The following ARFGEF1 variants were observed in gnomAD, a reference collection of about 807,000 sequenced individuals.
The protein encoded by ARFGEF1 is brefeldin A-inhibited guanine nucleotide-exchange protein 1.
ARFGEF1 carries 42 observed loss-of-function variants against 231.0 expected under a neutral mutation model. The observed-to-expected ratio is 0.18, with a 90% CI of 0.14 to 0.24. The LOEUF is 0.24. Ranked by LOEUF, ARFGEF1 falls within the 10% of genes least tolerant of loss-of-function variation. The probability of loss-of-function intolerance (pLI) is 1.00; values close to 1 mark genes in which losing one functional copy is unlikely to be tolerated. For synonymous variants in ARFGEF1, 710 were observed against 732.3 expected, an observed-to-expected ratio of 0.97 and a Z score of 0.49; for missense variants, 1,345 against 2,192.0, an observed-to-expected ratio of 0.61 and a Z score of 7.72.
At chr8:67,311,294 G>A (rs1291992929) in intron 1 of ARFGEF1, among the ~76,000 whole-genome samples, 6 of 123,616 alleles carry the variant, frequency 4.9e-5, no homozygotes, top group African/African-American at 9.3e-5. Flanking sequence ...GGTGGGGGGG[G>A]TCAGCCCCCC....
intron 5 of ARFGEF1, among the ~76,000 whole-genome samples, chr8:67,187,699 T>G (rs776265191): frequency 2.0e-5 from 3 of 151,798 alleles, no homozygotes; most frequent in Admixed American, 6.6e-5. Flanking sequence ...AAGAAAGAAA[T>G]AGACTCACGC....
downstream of ARFGEF1, among the ~76,000 whole-genome samples, chr8:67,193,003 G>A (rs977409059): frequency 2.0e-5 from 3 of 152,144 alleles, no homozygotes. Context: ...ATCCTTGAGA[G>A]TCATCTGAGC....
At chr8:67,331,611 G>GAT (rs1173974100) in intron 1 of ARFGEF1, among the ~76,000 whole-genome samples, 1 of 151,876 alleles carries the variant, frequency 6.6e-6, no homozygotes, top group Non-Finnish European at 1.5e-5. Context: ...AACAGACTAA[G>GAT]ATATACTCTA....
intron 34 of ARFGEF1, among the ~76,000 whole-genome samples, chr8:67,206,323 T>G (rs1164195230): frequency 6.8e-6 from 1 of 147,524 alleles, no homozygotes; most frequent in South Asian, 2.1e-4. Context: ...GGCAGAAGAA[T>G]GGCTTGATCC....
At chr8:67,178,076 C>CAT (rs1160843110) in intron 5 of ARFGEF1, among the ~76,000 whole-genome samples, 1 of 152,004 alleles carries the variant, frequency 6.6e-6, no homozygotes, top group African/African-American at 2.4e-5. Context: ...ACAGGCCTGG[C>CAT]ATATAAGTTT....
rs1160016610 is a variant in ARFGEF1, at chr8:67,337,128, C to CAAAAA, written c.124+6031_124+6035dup. Reference sequence around the variant, plus strand: ...TGTGTGACAGAGCGTGACGCCGTCTCAAAAAAAAAAAAAAAAAAAAAAACA... The same window carrying CAAAAA: ...TGTGTGACAGAGCGTGACGCCGTCTCAAAAAAAAAAAAAAAAAAAAAAAAAAAACA... On this transcript the variant is annotated intron_variant, in intron 1 of 38. Coordinates refer to ENST00000262215, the MANE Select transcript of ARFGEF1 (RefSeq NM_006421.5). Among the ~76,000 whole-genome samples the CAAAAA allele has an allele frequency of 1.1e-3, 63 of 54,888 alleles. 4 individuals are homozygous for CAAAAA. Among genetic ancestry groups the CAAAAA allele is most frequent in the African/African-American group, 3.7e-3 (50 of 13,662 alleles). 36.0% of individuals were successfully genotyped at this position (54,888 alleles called of 152,430 possible). A position where few individuals can be genotyped will look rare whatever the true frequency, so the allele number is the denominator to read the frequency against.
chr8:67,235,794 C>A (rs1363852584), intron 22 of ARFGEF1, among the ~76,000 whole-genome samples: 1 of 151,984 alleles, frequency 6.6e-6, no homozygotes, highest in Non-Finnish European at 1.5e-5. Context: ...CAGAGTGAGA[C>A]CTTGTCTTTA....
chr8:67,177,353 A>G (rs1034216461), intron 5 of ARFGEF1, among the ~76,000 whole-genome samples: 3 of 152,194 alleles, frequency 2.0e-5, no homozygotes, highest in Non-Finnish European at 2.9e-5. Flanking sequence ...GTTTAACTCC[A>G]TGCAACAACT....
In ARFGEF1 at chr8:67,228,204, G is replaced by A. The variant is rs1303752031; in HGVS notation, c.3421+20C>T. The A allele has an allele frequency of 6.2e-6, 10 of 1,609,410 alleles. No homozygotes were observed. The highest frequency in any genetic ancestry group is 7.6e-6 in the Non-Finnish European group (9 of 1,177,900). ...TTAGCCCCAAGCCAGTTCCGAAGTAGAATAAATGCCCATACTTACCAATGG... is the reference window on the plus strand; with the variant it reads ...TTAGCCCCAAGCCAGTTCCGAAGTAAAATAAATGCCCATACTTACCAATGG... On this transcript the variant is annotated intron_variant, in intron 24 of 38. Coordinates refer to ENST00000262215, the MANE Select transcript of ARFGEF1 (RefSeq NM_006421.5).
chr8:67,240,141 A>G (rs1290867202), intron 20 of ARFGEF1, 21 bp downstream of exon 20: 1 of 1,605,440 alleles, frequency 6.2e-7, no homozygotes, highest in Non-Finnish European at 8.5e-7. Flanking sequence ...AACTGGCTAC[A>G]AAGACAAAAT....
chr8:67,280,858 T>A (rs1020405820), intron 7 of ARFGEF1, among the ~76,000 whole-genome samples: 9 of 152,154 alleles, frequency 5.9e-5, no homozygotes, highest in Non-Finnish European at 1.5e-5. Flanking sequence ...TAGTCTCTGT[T>A]TCTACAAATA....
chr8:67,309,611 C>T (rs1438599993), intron 1 of ARFGEF1, among the ~76,000 whole-genome samples: 1 of 152,138 alleles, frequency 6.6e-6, no homozygotes, highest in East Asian at 1.9e-4. Context: ...AAAGTGTAAC[C>T]TCTACTTAGA....
At chr8:67,285,483 C>G (rs928967872) in intron 7 of ARFGEF1, among the ~76,000 whole-genome samples, 1 of 152,054 alleles carries the variant, frequency 6.6e-6, no homozygotes, top group Non-Finnish European at 1.5e-5. Context: ...TACCACTATA[C>G]CCCAGCCTGG....
rs560082289 is a variant in ARFGEF1 at position 67,226,038 on chromosome 8, C to G, written c.4062G>C (p.Val1354=). 6.2e-7 allele frequency: 1 copy of G among 1,608,140 alleles called. No individual in the cohort carries two copies. Among genetic ancestry groups the G allele is most frequent in the South Asian group, 1.1e-5 (1 of 89,644 alleles). ...GACGCTATACCTGAGGTCTATCAGA[C>G]ACATATTTTGCACAATGGCGAATAA... ...IRLIRHCAKY[V]SDRPQAFKEY... is the part of the protein sequence containing the mutation. Residue 1354 remains valine, a synonymous_variant, in exon 28 of 39, where the codon GTG becomes GTC. Coordinates refer to ENST00000262215, the MANE Select transcript of ARFGEF1 (RefSeq NM_006421.5).
intron 2 of ARFGEF1, 78 bp from the exon 3 acceptor site, chr8:67,301,458 T>C (rs1806485961): frequency 6.9e-7 from 1 of 1,442,126 alleles, no homozygotes; most frequent in Admixed American, 2.4e-5. Context: ...AAACACAGAA[T>C]TTCAGTTCTA....
At chr8:67,270,861 C>T (rs1358900538) in intron 10 of ARFGEF1, among the ~76,000 whole-genome samples, 7 of 151,190 alleles carry the variant, frequency 4.6e-5, no homozygotes, top group Non-Finnish European at 5.9e-5. Context: ...CCTGTCTCTA[C>T]TAAAAATACA....
chr8:67,238,349 C>G lies in ARFGEF1; in HGVS notation c.3283G>C (p.Gly1095Arg). ...ACTTTGTAAAAATTCTCACCTAGCC[C>G]TAAACCCACAAATTCATCAGGAGCC... Reference protein sequence around the residue: ...DQAPDEFVGLGLVGGNVDWKQ... With the variant: ...DQAPDEFVGLRLVGGNVDWKQ... The change falls in exon 22 of 39, where the codon GGG (glycine) becomes CGG (arginine). Residue 1095 changes from glycine to arginine, a missense_variant. Around this residue, in one of 14 missense-constraint regions of ARFGEF1, gnomAD observed 146 missense variants for 321.4 expected, o/e 0.45. Transcript: ENST00000262215. The G allele has an allele frequency of 6.2e-7, 1 of 1,605,702 alleles. No homozygotes were observed. The highest frequency in any genetic ancestry group is 1.1e-5 in the South Asian group (1 of 88,836).
intron 19 of ARFGEF1, among the ~76,000 whole-genome samples, chr8:67,241,454 C>T (rs769417333): frequency 2.0e-5 from 3 of 151,964 alleles, no homozygotes; most frequent in Non-Finnish European, 2.9e-5. Flanking sequence ...AGAAGAGATA[C>T]AAACGGTTCT....
chr8:67,207,199 C>A (rs1324847656), intron 34 of ARFGEF1: 3 of 152,194 alleles, frequency 2.0e-5, no homozygotes, highest in Non-Finnish European at 2.9e-5. Context: ...TCATTCAAGT[C>A]AGAAAAACAT....
Sources: allele counts gnomAD v4.1 joint callset (sites outside exome capture counted in the v4.1 genomes callset), GRCh38; gene constraint gnomAD v4.1.1; regional missense constraint gnomAD v4.1.1; transcripts MANE v1.5; gene names NCBI Gene and HGNC (gene_info 2026-07-23, HGNC 2026-07-21).